The following MYRIP variants were observed in gnomAD, a reference collection of about 807,000 sequenced individuals.
The protein encoded by MYRIP is rab effector MyRIP.
MYRIP carries 49 observed loss-of-function variants against 98.0 expected under a neutral mutation model. The observed-to-expected ratio is 0.50, with a 90% CI of 0.40 to 0.63. MYRIP has a LOEUF of 0.63. Ranked by LOEUF, MYRIP falls within the 30% of genes least tolerant of loss-of-function variation. The pLI, the probability that MYRIP is intolerant of heterozygous loss-of-function variation, is 0.00. For missense variants in MYRIP, 1,004 were observed against 1,058.2 expected (o/e 0.95, Z 0.71); for synonymous variants, 404 against 409.5 (o/e 0.99, Z 0.16).
intron 2 of MYRIP, among the ~76,000 whole-genome samples, chr3:40,033,433 A>G (rs1203324036): frequency 2.0e-5 from 3 of 152,080 alleles, no homozygotes; most frequent in African/African-American, 7.2e-5. Flanking sequence ...ATAACAGACA[A>G]ACAGAGACCC....
intron 2 of MYRIP, among the ~76,000 whole-genome samples, chr3:40,013,349 C>A (rs1369298184): frequency 2.6e-5 from 4 of 152,170 alleles, no homozygotes; most frequent in African/African-American, 9.7e-5. Flanking sequence ...AGAAGGAAAC[C>A]TTTTATTCCC....
At chr3:40,169,469 T>C (rs1003188829) in intron 7 of MYRIP, among the ~76,000 whole-genome samples, 2 of 152,156 alleles carry the variant, frequency 1.3e-5, no homozygotes, top group African/African-American at 2.4e-5. Flanking sequence ...TGACTCTTGG[T>C]GTCTACACCC....
At chr3:40,134,156 A>G (rs1034987368) in intron 3 of MYRIP, among the ~76,000 whole-genome samples, 107 of 152,270 alleles carry the variant, frequency 7.0e-4, no homozygotes, top group South Asian at 1.9e-3. Context: ...GATGACAGAC[A>G]GCACCTGGAA....
chr3:40,171,843 C>A lies in MYRIP; in HGVS notation c.873+1750C>A, dbSNP rs529554340. ...CTCATGCTGCTAATAAAGACATACC[C>A]AATAGAGGGTAATTTATAAAGTAAA... On this transcript the variant is annotated intron_variant, in intron 8 of 16. Transcript: ENST00000302541. Among the ~76,000 whole-genome samples the A allele has an allele frequency of 2.0e-5, 3 of 152,324 alleles. No homozygotes were observed. In the South Asian group the frequency reaches 6.2e-4, roughly 32 times the overall value.
intron 1 of MYRIP, among the ~76,000 whole-genome samples, chr3:39,877,853 A>G (rs1299503082): frequency 6.6e-6 from 1 of 152,134 alleles, no homozygotes; most frequent in African/African-American, 2.4e-5. Flanking sequence ...GCGTGCTGGG[A>G]GAACCACTGC....
chr3:39,813,944 CAT>C (rs1940787115), intron 1 of MYRIP, among the ~76,000 whole-genome samples: 1 of 152,094 alleles, frequency 6.6e-6, no homozygotes, highest in South Asian at 2.1e-4. Flanking sequence ...GTGTTGATAA[CAT>C]ATATTGATCA....
intron 2 of MYRIP, among the ~76,000 whole-genome samples, chr3:40,043,024 T>TA (rs1203011324): frequency 6.6e-6 from 1 of 152,214 alleles, no homozygotes; most frequent in East Asian, 1.9e-4. Context: ...AGCATCATGA[T>TA]AGAGTATTGT....
In MYRIP at chr3:39,900,825, G is replaced by A. The variant is rs996573796; in HGVS notation, c.9G>A (p.Arg3=). ...ATCTGTGTTGAGTAACCATGGGGAG[G>A]AAGCTGGACCTGTCTGGTTTGACTG... MG[R]KLDLSGLTDD... The change falls in exon 2 of 17, where the codon AGG becomes AGA. Residue 3 remains arginine, a synonymous_variant. Coordinates refer to ENST00000302541, the MANE Select transcript of MYRIP (RefSeq NM_015460.4). The A allele has an allele frequency of 1.9e-6, 3 of 1,613,418 alleles. No homozygotes were observed. The highest frequency in any genetic ancestry group is 2.5e-6 in the Non-Finnish European group (3 of 1,179,776).
intron 2 of MYRIP, among the ~76,000 whole-genome samples, chr3:39,978,714 T>C (rs147472834): frequency 6.6e-6 from 1 of 152,318 alleles, no homozygotes; most frequent in African/African-American, 2.4e-5. Context: ...ATAACTAAAT[T>C]TGAGTTTAGT....
chr3:40,127,911 CCT>C (rs137891010), intron 3 of MYRIP, among the ~76,000 whole-genome samples: 70 of 152,332 alleles, frequency 4.6e-4, no homozygotes, highest in African/African-American at 1.6e-3. Context: ...GTAGGAAGAA[CCT>C]CTCTGTTCAT....
chr3:39,930,624 T>C (rs6788121), intron 2 of MYRIP, among the ~76,000 whole-genome samples: 76,922 of 151,780 alleles, frequency 0.51, 20,501 homozygotes, highest in African/African-American at 0.68. Context: ...AAGATTTACA[T>C]CTATATTTTC....
intron 2 of MYRIP, among the ~76,000 whole-genome samples, chr3:39,929,938 CA>C (rs1944499927): frequency 6.6e-6 from 1 of 151,912 alleles, no homozygotes; most frequent in South Asian, 2.1e-4. Flanking sequence ...ATAATATTTT[CA>C]TTTTTTTGTT....
chr3:40,233,549 A>G (rs1414457286), intron 11 of MYRIP, among the ~76,000 whole-genome samples: 1 of 152,202 alleles, frequency 6.6e-6, no homozygotes, highest in Non-Finnish European at 1.5e-5. Flanking sequence ...AAATAAGGTC[A>G]GAGATATTAA....
At chr3:39,838,850 C>T (rs1411177498) in intron 1 of MYRIP, among the ~76,000 whole-genome samples, 7 of 151,822 alleles carry the variant, frequency 4.6e-5, no homozygotes, top group African/African-American at 9.7e-5. Flanking sequence ...GGGCTTTTTT[C>T]GGTTGGTAGG....
chr3:39,923,952 T>TCATACC (rs1944359011), intron 2 of MYRIP, among the ~76,000 whole-genome samples: 1 of 152,042 alleles, frequency 6.6e-6, no homozygotes, highest in African/African-American at 2.4e-5. Flanking sequence ...CTATAAAATG[T>TCATACC]CATACCTACC....
At chr3:40,244,671 C>A in intron 13 of MYRIP, 64 bp downstream of exon 13, 1 of 1,498,464 alleles carries the variant, frequency 6.7e-7, no homozygotes, top group Admixed American at 2.1e-5. Flanking sequence ...CCATGTTCTA[C>A]AAGAATCACT....
Position 40,170,006 on chromosome 3 carries a change from G to A in MYRIP, c.786G>A (p.Trp262Ter), listed in dbSNP as rs1372128105. Reference protein sequence around the residue: ...SEQQVEEEPGWPHPQSCSTKV... With the variant: ...SEQQVEEEPG Reference sequence around the variant, plus strand: ...AGCAAGTGGAAGAAGAGCCAGGATGGCCACATCCCCAGAGTTGCAGCACAA... The same window carrying A: ...AGCAAGTGGAAGAAGAGCCAGGATGACCACATCCCCAGAGTTGCAGCACAA... Residue 262 changes from tryptophan (W) to a stop codon, truncating the protein, a stop_gained, in exon 8 of 17, where the codon TGG becomes TGA. Coordinates refer to ENST00000302541, the MANE Select transcript of MYRIP (RefSeq NM_015460.4). LOFTEE classifies it high-confidence loss of function. 4 of 1,614,230 alleles carry A rather than the reference G, an allele frequency of 2.5e-6. No individual in the cohort carries two copies. The highest frequency in any genetic ancestry group is 3.4e-6 in the Non-Finnish European group (4 of 1,180,036).
intron 2 of MYRIP, among the ~76,000 whole-genome samples, chr3:39,983,934 T>G (rs970712274): frequency 6.6e-6 from 1 of 152,186 alleles, no homozygotes; most frequent in African/African-American, 2.4e-5. Context: ...AACTGAAAAT[T>G]AAATAATTTA....
At chr3:40,090,797 G>T (rs993892082) in intron 3 of MYRIP, among the ~76,000 whole-genome samples, 3 of 152,282 alleles carry the variant, frequency 2.0e-5, no homozygotes, top group Admixed American at 1.3e-4. Context: ...TCTACTTGGT[G>T]TATGTTTCCT....
Sources: gnomAD v4.1 joint callset for allele counts (sites outside exome capture counted in the v4.1 genomes callset) on GRCh38, gnomAD v4.1.1 for gene constraint, MANE v1.5 for transcripts, NCBI Gene and HGNC (gene_info 2026-07-23, HGNC 2026-07-21) for gene names.